SMC6: variants seen among roughly 807,000 people sequenced by gnomAD.
SMC6 encodes the protein structural maintenance of chromosomes protein 6.
In SMC6, 79 loss-of-function variants were observed where a neutral mutation model predicts 142.2. That is an observed-to-expected ratio of 0.56 (90% CI 0.46 to 0.67). The LOEUF (loss-of-function observed/expected upper bound fraction) is 0.67, where lower values mean the gene tolerates loss of function less well. Ranked by LOEUF, SMC6 falls within the 30% of genes least tolerant of loss-of-function variation. SMC6 has a pLI of 0.00. For synonymous variants in SMC6, 411 were observed against 412.4 expected (o/e 1.00, Z 0.04); for missense variants, 1,072 against 1,284.0 (o/e 0.83, Z 2.52).
At chr2:17,749,465 G>A (rs1419148395) in intron 2 of SMC6, among the ~76,000 whole-genome samples, 2 of 152,162 alleles carry the variant, frequency 1.3e-5, no homozygotes, top group Admixed American at 6.5e-5. Flanking sequence ...CAAGGCAGGC[G>A]GATCACGAGG....
intron 16 of SMC6, among the ~76,000 whole-genome samples, chr2:17,714,383 T>C: frequency 6.6e-6 from 1 of 152,156 alleles, no homozygotes; most frequent in East Asian, 1.9e-4. Flanking sequence ...CATGAGCCCC[T>C]GTGCCTGGCC....
At chr2:17,751,846 C>A (rs925810643) in intron 2 of SMC6, among the ~76,000 whole-genome samples, 4 of 152,288 alleles carry the variant, frequency 2.6e-5, no homozygotes, top group African/African-American at 9.6e-5. Flanking sequence ...TAAAAGTAAG[C>A]CAAGTACAGC....
At chr2:17,744,160 G>A (rs959788011) in intron 3 of SMC6, among the ~76,000 whole-genome samples, 1 of 152,166 alleles carries the variant, frequency 6.6e-6, no homozygotes, top group African/African-American at 2.4e-5. Context: ...GCCAAAGTGT[G>A]TTCCAAAGTG....
At chr2:17,729,971 C>A (rs893982614) in intron 7 of SMC6, among the ~76,000 whole-genome samples, 1 of 152,026 alleles carries the variant, frequency 6.6e-6, no homozygotes, top group African/African-American at 2.4e-5. Context: ...GAAAAGAGAC[C>A]CAGACCCCTA....
At chr2:17,695,365 C>T (rs1667940415) in intron 22 of SMC6, 68 bp from the exon 23 acceptor site, 1 of 1,362,876 alleles carries the variant, frequency 7.3e-7, no homozygotes, top group Admixed American at 2.5e-5. Context: ...ACTACTTGTG[C>T]CAAAATCTGC....
intron 26 of SMC6, among the ~76,000 whole-genome samples, chr2:17,669,869 G>T (rs1024414687): frequency 6.6e-6 from 1 of 152,154 alleles, no homozygotes; most frequent in Non-Finnish European, 1.5e-5. Context: ...GTAGGAATTG[G>T]TAATAATATT....
chr2:17,695,009 C>A, intron 23 of SMC6, 143 bp downstream of exon 23: 2 of 816,390 alleles, frequency 2.4e-6, no homozygotes, highest in Non-Finnish European at 3.9e-6. Flanking sequence ...GAGAATAATA[C>A]ACATATAAAG....
At chr2:17,744,454 G>GT (rs1170433706) in intron 3 of SMC6, among the ~76,000 whole-genome samples, 4 of 152,116 alleles carry the variant, frequency 2.6e-5, no homozygotes, top group South Asian at 2.1e-4. Flanking sequence ...CATTTTAAGA[G>GT]TTTTTTGTAG....
chr2:17,739,439 GT>G (rs1670316866), intron 4 of SMC6, among the ~76,000 whole-genome samples: 1 of 152,082 alleles, frequency 6.6e-6, no homozygotes, highest in African/African-American at 2.4e-5. Flanking sequence ...GAGGCCAGGG[GT>G]TCGAGACCAG....
chr2:17,710,557 G>A (rs1476106003), intron 16 of SMC6, among the ~76,000 whole-genome samples: 1 of 152,176 alleles, frequency 6.6e-6, no homozygotes, highest in Non-Finnish European at 1.5e-5. Context: ...ACAGTCAGCT[G>A]TGAGGAGGAA....
At chr2:17,733,030 G>C (rs1027140677) in intron 5 of SMC6, among the ~76,000 whole-genome samples, 9 of 152,148 alleles carry the variant, frequency 5.9e-5, no homozygotes, top group Non-Finnish European at 1.5e-5. Context: ...CATAAAAGCA[G>C]ATATTTTACC....
At chr2:17,687,142 A>T (rs1558334177) in intron 23 of SMC6, among the ~76,000 whole-genome samples, 1 of 152,216 alleles carries the variant, frequency 6.6e-6, no homozygotes, top group Non-Finnish European at 1.5e-5. Context: ...AAGGTTTGAA[A>T]ATATCTAACA....
In SMC6 at chr2:17,703,145, T is replaced by A; in HGVS notation, c.2142+12A>T. On this transcript the variant is annotated intron_variant, in intron 19 of 27. Coordinates refer to ENST00000448223, the MANE Select transcript of SMC6 (RefSeq NM_001142286.2). ...AAAAACAAAAGAAGGTTTATTATTA[T>A]TATTTTTTTACCTTTAGTTCTTTAT... 7.5e-7 allele frequency: 1 copy of A among 1,324,552 alleles called. No individual in the cohort carries two copies. Among genetic ancestry groups the A allele is most frequent in the Admixed American group, 2.4e-5 (1 of 41,256 alleles). The allele number at this position is 1,324,552 out of a possible 1,614,324, so 82.0% of individuals were successfully genotyped here.
chr2:17,717,319 T>G, intron 12 of SMC6, 143 bp from the exon 13 acceptor site: 1 of 549,004 alleles, frequency 1.8e-6, no homozygotes, highest in East Asian at 3.2e-5. Context: ...TTGAAACCAT[T>G]ACATTTTTTA....
chr2:17,741,149 C>A (rs1216061919), intron 4 of SMC6, among the ~76,000 whole-genome samples: 1 of 152,178 alleles, frequency 6.6e-6, no homozygotes, highest in Non-Finnish European at 1.5e-5. Flanking sequence ...TTCTTCTTGC[C>A]AATAAGACCT....
chr2:17,753,262 T>C (rs562438346), intron 1 of SMC6, among the ~76,000 whole-genome samples, 198 bp from the exon 2 acceptor site: 14 of 84,978 alleles, frequency 1.6e-4, no homozygotes, highest in African/African-American at 7.7e-4. Flanking sequence ...AGCCACTCCC[T>C]ACCCCAGCTT....
chr2:17,706,420 TA>T (rs1234176544), intron 18 of SMC6, among the ~76,000 whole-genome samples: 1 of 152,168 alleles, frequency 6.6e-6, no homozygotes, highest in Non-Finnish European at 1.5e-5. Flanking sequence ...TATTTTCCTT[TA>T]TTCTGCTCTC....
rs750553094 is a variant in SMC6, at chr2:17,695,244, T to G, written c.2586A>C (p.Lys862Asn). The change falls in exon 23 of 28, where the codon AAA (lysine) becomes AAC (asparagine). Residue 862 changes from lysine (K) to asparagine (N), a missense_variant. By Grantham distance (94) the Lys-to-Asn change is moderately conservative. This residue lies in a region of SMC6 where 994 missense variants were observed against 1,153.2 expected (regional missense o/e 0.86). Coordinates refer to ENST00000448223, the MANE Select transcript of SMC6 (RefSeq NM_001142286.2). ...QICPERIEVEKSASILDKEIN... is the reference protein window; with the variant it reads ...QICPERIEVENSASILDKEIN... ...TTTCTTTGTCCAGAATTGATGCAGA[T>G]TTTTCTACTTCTATACGCTCTGGGC... 1 of 1,613,648 alleles carries G rather than the reference T, an allele frequency of 6.2e-7. No homozygotes were observed. The highest frequency in any genetic ancestry group is 8.5e-7 in the Non-Finnish European group (1 of 1,179,814).
At chr2:17,677,584 A>G (rs1305661692) in intron 25 of SMC6, among the ~76,000 whole-genome samples, 1 of 152,180 alleles carries the variant, frequency 6.6e-6, no homozygotes, top group African/African-American at 2.4e-5. Flanking sequence ...TCTACTCATT[A>G]TTGCTTAGAC....
Sources: allele counts gnomAD v4.1 joint callset (sites outside exome capture counted in the v4.1 genomes callset), GRCh38; gene constraint gnomAD v4.1.1; regional missense constraint gnomAD v4.1.1; transcripts MANE v1.5; gene names NCBI Gene and HGNC (gene_info 2026-07-23, HGNC 2026-07-21).